Variants in SPATA13 observed in about 807,000 individuals in gnomAD.
SPATA13 encodes spermatogenesis associated 13.
In SPATA13, 50 loss-of-function variants were observed where a neutral mutation model predicts 104.0. The observed-to-expected ratio is 0.48, with a 90% CI of 0.38 to 0.61. SPATA13 has a LOEUF of 0.61. Ranked by LOEUF, SPATA13 falls within the 20% of genes least tolerant of loss-of-function variation. The pLI is 0.00. For missense variants in SPATA13, 1,524 were observed against 1,690.6 expected (o/e 0.90, Z 1.73); for synonymous variants, 606 against 667.5 (o/e 0.91, Z 1.42).
intron 2 of SPATA13, among the ~76,000 whole-genome samples, chr13:24,004,622 C>A (rs1876137509): frequency 6.6e-6 from 1 of 152,080 alleles, no homozygotes; most frequent in Non-Finnish European, 1.5e-5. Context: ...CAGACCCTGC[C>A]CCAGGAAGAC....
chr13:24,151,607 T>A (rs1164367475), intron 3 of SPATA13, among the ~76,000 whole-genome samples: 1 of 152,198 alleles, frequency 6.6e-6, no homozygotes, highest in African/African-American at 2.4e-5. Context: ...TACTGGAGTT[T>A]TTTTTCCTTT....
intron 3 of SPATA13, among the ~76,000 whole-genome samples, chr13:24,091,926 G>T (rs1160822781): frequency 1.3e-5 from 2 of 152,172 alleles, no homozygotes; most frequent in African/African-American, 4.8e-5. Context: ...CTGTTCTCAG[G>T]CTTTCACAGG....
intron 4 of SPATA13, among the ~76,000 whole-genome samples, chr13:24,269,133 GC>G (rs1281145167): frequency 2.0e-5 from 3 of 152,104 alleles, no homozygotes; most frequent in Non-Finnish European, 2.9e-5. Context: ...AAGAGCCAGT[GC>G]TTCTCTAAAC....
chr13:24,032,905 G>A (rs1877533946), intron 3 of SPATA13, among the ~76,000 whole-genome samples: 1 of 152,170 alleles, frequency 6.6e-6, no homozygotes, highest in Admixed American at 6.5e-5. Context: ...CACCAACACT[G>A]GGAATACTGG....
intron 3 of SPATA13, among the ~76,000 whole-genome samples, chr13:24,018,257 G>A (rs1311510835): frequency 1.3e-5 from 2 of 152,176 alleles, no homozygotes; most frequent in African/African-American, 2.4e-5. Flanking sequence ...TCCTGTTGTA[G>A]ATTAAACTGT....
chr13:24,126,952 G>A (rs565157016), intron 3 of SPATA13, among the ~76,000 whole-genome samples: 1 of 152,272 alleles, frequency 6.6e-6, no homozygotes, highest in Non-Finnish European at 1.5e-5. Flanking sequence ...TGGAGATTGT[G>A]AAATCAAACA....
chr13:23,996,151 T>C (rs549148603), intron 2 of SPATA13, among the ~76,000 whole-genome samples: 26 of 152,278 alleles, frequency 1.7e-4, no homozygotes, highest in African/African-American at 5.5e-4. Flanking sequence ...ATGGGATTAT[T>C]ATCTCATATT....
At chr13:24,027,279 C>G (rs539924642) in intron 3 of SPATA13, among the ~76,000 whole-genome samples, 6 of 151,828 alleles carry the variant, frequency 4.0e-5, no homozygotes, top group Non-Finnish European at 5.9e-5. Flanking sequence ...GGATTACAGG[C>G]GTGCGCCACC....
intron 4 of SPATA13, among the ~76,000 whole-genome samples, chr13:24,275,073 T>C (rs368696848): frequency 3.9e-5 from 6 of 152,152 alleles, no homozygotes; most frequent in African/African-American, 1.4e-4. Context: ...CTTCTCTAAC[T>C]GTATTTGTAA....
chr13:23,989,255 C>G (rs1875293995), intron 2 of SPATA13, among the ~76,000 whole-genome samples: 1 of 152,036 alleles, frequency 6.6e-6, no homozygotes, highest in African/African-American at 2.4e-5. Context: ...AACCCCGTCT[C>G]TACTAAAAAT....
intron 1 of SPATA13, among the ~76,000 whole-genome samples, chr13:24,172,862 A>T (rs944680205): frequency 6.6e-6 from 1 of 152,214 alleles, no homozygotes; most frequent in Non-Finnish European, 1.5e-5. Flanking sequence ...TCAACATAAA[A>T]TCTTGCTGGG....
intron 4 of SPATA13, among the ~76,000 whole-genome samples, chr13:24,279,735 G>A (rs1413842084): frequency 1.3e-5 from 2 of 152,358 alleles, no homozygotes; most frequent in Middle Eastern, 3.4e-3. Flanking sequence ...AAGAGCTGAA[G>A]TGACTTGCAC....
chr13:24,282,512 G>A (rs886810831), intron 4 of SPATA13, among the ~76,000 whole-genome samples: 2 of 152,184 alleles, frequency 1.3e-5, no homozygotes, highest in Non-Finnish European at 2.9e-5. Context: ...ATCCTTGACT[G>A]TATCTCTGTT....
At chr13:24,055,701 C>A (rs781272100) in intron 3 of SPATA13, among the ~76,000 whole-genome samples, 1 of 152,180 alleles carries the variant, frequency 6.6e-6, no homozygotes, top group Non-Finnish European at 1.5e-5. Context: ...GCTAAGCCAC[C>A]CACTTTCCTA....
chr13:24,019,180 C>T (rs1381151889), intron 3 of SPATA13, among the ~76,000 whole-genome samples: 1 of 149,826 alleles, frequency 6.7e-6, no homozygotes, highest in Non-Finnish European at 1.5e-5. Context: ...GCTCCGCCTC[C>T]CGGGTTCACG....
intron 3 of SPATA13, chr13:24,122,244 G>C (rs753191128): frequency 3.2e-5 from 43 of 1,323,398 alleles, no homozygotes; most frequent in Admixed American, 3.2e-4. Context: ...TGGTGAGTCA[G>C]AGCCTGATAC....
intron 2 of SPATA13, among the ~76,000 whole-genome samples, chr13:24,007,054 G>A (rs1012193552): frequency 1.3e-5 from 2 of 152,124 alleles, no homozygotes; most frequent in East Asian, 1.9e-4. Context: ...TGTGCACAAG[G>A]CCTCCCGTCC....
chr13:23,983,531 C>T (rs2137649070), intron 1 of SPATA13, among the ~76,000 whole-genome samples: 1 of 152,288 alleles, frequency 6.6e-6, no homozygotes, highest in South Asian at 2.1e-4. Flanking sequence ...GAAGACAAAA[C>T]CTGTTGACCT....
chr13:24,065,935 G>A (rs1878945765), intron 3 of SPATA13, among the ~76,000 whole-genome samples: 1 of 152,192 alleles, frequency 6.6e-6, no homozygotes, highest in South Asian at 2.1e-4. Context: ...TAAGTAATCT[G>A]AGCTACATGT....
Sources: allele counts gnomAD v4.1 joint callset (sites outside exome capture counted in the v4.1 genomes callset), GRCh38; gene constraint gnomAD v4.1.1; transcripts MANE v1.5; gene names NCBI Gene and HGNC (gene_info 2026-07-23, HGNC 2026-07-21).